The following SORCS2 variants were observed in gnomAD, a reference collection of about 807,000 sequenced individuals.
The protein encoded by SORCS2 is sortilin related VPS10 domain containing receptor 2, also known as VPS10 domain-containing receptor SorCS2.
A neutral mutation model predicts 141.6 loss-of-function variants in SORCS2; 100 were observed. That is an observed-to-expected ratio of 0.71 (90% CI 0.60 to 0.83). SORCS2 has a LOEUF of 0.83. Ranked by LOEUF, SORCS2 falls within the 40% of genes least tolerant of loss-of-function variation. The probability of loss-of-function intolerance (pLI) is 0.00; values close to 1 mark genes in which losing one functional copy is unlikely to be tolerated. For missense variants in SORCS2, 1,646 were observed against 1,560.2 expected, an observed-to-expected ratio of 1.05 and a Z score of -0.93; for synonymous variants, 789 against 676.9, an observed-to-expected ratio of 1.17 and a Z score of -2.57.
intron 1 of SORCS2, among the ~76,000 whole-genome samples, chr4:7,391,188 G>A (rs1385309015): frequency 6.6e-6 from 1 of 152,210 alleles, no homozygotes; most frequent in East Asian, 1.9e-4. Context: ...AGGGCCACCT[G>A]GTAAGGACAG....
intron 1 of SORCS2, among the ~76,000 whole-genome samples, chr4:7,335,527 C>T (rs1465675303): frequency 1.1e-4 from 17 of 152,196 alleles, no homozygotes; most frequent in South Asian, 2.1e-4. Context: ...CCTCTTGCTC[C>T]GGCCCGAGGC....
chr4:7,623,241 G>A (rs756502982), intron 3 of SORCS2, among the ~76,000 whole-genome samples: 11 of 152,116 alleles, frequency 7.2e-5, no homozygotes, highest in Non-Finnish European at 1.2e-4. Flanking sequence ...TGGTACCTTC[G>A]GGAGACACCA....
At chr4:7,203,303 A>G (rs1032080951) in intron 1 of SORCS2, among the ~76,000 whole-genome samples, 8 of 152,254 alleles carry the variant, frequency 5.3e-5, no homozygotes, top group African/African-American at 1.4e-4. Flanking sequence ...ACATGCCTGT[A>G]ATCCCAGCTG....
intron 1 of SORCS2, among the ~76,000 whole-genome samples, chr4:7,249,581 G>T (rs569820917): frequency 6.6e-6 from 1 of 152,286 alleles, no homozygotes; most frequent in South Asian, 2.1e-4. Flanking sequence ...TAGGGCGCCA[G>T]GTCCTTGTCT....
At chr4:7,317,318 A>C (rs1718624343) in intron 1 of SORCS2, among the ~76,000 whole-genome samples, 1 of 152,218 alleles carries the variant, frequency 6.6e-6, no homozygotes, top group South Asian at 2.1e-4. Flanking sequence ...AAGATGAATA[A>C]GGAGCTGACA....
intron 1 of SORCS2, among the ~76,000 whole-genome samples, chr4:7,392,201 A>T (rs1454071046): frequency 6.6e-6 from 1 of 152,182 alleles, no homozygotes; most frequent in Non-Finnish European, 1.5e-5. Context: ...AAGGAAGGTG[A>T]AGCCTTGTGT....
chr4:7,375,835 A>T (rs12503542), intron 1 of SORCS2, among the ~76,000 whole-genome samples: 111 of 152,164 alleles, frequency 7.3e-4, no homozygotes, highest in Non-Finnish European at 1.5e-4. Context: ...GTCGAGTGCA[A>T]GTGGCTTCTT....
chr4:7,548,587 G>T (rs1212166987), intron 3 of SORCS2, among the ~76,000 whole-genome samples: 2 of 152,156 alleles, frequency 1.3e-5, no homozygotes, highest in Non-Finnish European at 2.9e-5. Context: ...TGACACACAT[G>T]GGAGCTGGGC....
At chr4:7,602,418 C>T (rs1257074771) in intron 3 of SORCS2, among the ~76,000 whole-genome samples, 2 of 150,072 alleles carry the variant, frequency 1.3e-5, no homozygotes, top group African/African-American at 4.9e-5. Context: ...CGGGCAGAGA[C>T]ACTCCTCAGT....
chr4:7,505,603 C>T (rs1487513346), intron 2 of SORCS2, among the ~76,000 whole-genome samples: 3 of 152,216 alleles, frequency 2.0e-5, no homozygotes, highest in African/African-American at 4.8e-5. Context: ...GTTCTGGAGA[C>T]AGAGAAGTCA....
intron 2 of SORCS2, among the ~76,000 whole-genome samples, chr4:7,439,235 A>G (rs1310651303): frequency 6.6e-6 from 1 of 152,134 alleles, no homozygotes; most frequent in Admixed American, 6.5e-5. Context: ...ATATTCATCC[A>G]TCCATCTTCA....
chr4:7,223,254 AT>A (rs1728812432), intron 1 of SORCS2, among the ~76,000 whole-genome samples: 1 of 151,716 alleles, frequency 6.6e-6, no homozygotes. Flanking sequence ...TTCTCATTGC[AT>A]TTTTCTTCTG....
chr4:7,589,746 G>A (rs1716787493), intron 3 of SORCS2, among the ~76,000 whole-genome samples: 1 of 152,204 alleles, frequency 6.6e-6, no homozygotes, highest in Admixed American at 6.5e-5. Context: ...ATACCATGAG[G>A]ACATGGATGG....
At chr4:7,393,367 C>T (rs887537824) in intron 1 of SORCS2, among the ~76,000 whole-genome samples, 1 of 152,104 alleles carries the variant, frequency 6.6e-6, no homozygotes, top group East Asian at 1.9e-4. Flanking sequence ...AAAACTGTCC[C>T]GGGGATATTT....
At chr4:7,550,050 G>A (rs1003535255) in intron 3 of SORCS2, among the ~76,000 whole-genome samples, 1 of 151,622 alleles carries the variant, frequency 6.6e-6, no homozygotes, top group Non-Finnish European at 1.5e-5. Flanking sequence ...GAGAGCTGGT[G>A]GCAACTGGAA....
chr4:7,413,458 A>C (rs1560264192), intron 2 of SORCS2, among the ~76,000 whole-genome samples: 1 of 117,726 alleles, frequency 8.5e-6, no homozygotes, highest in Non-Finnish European at 1.6e-5. Context: ...CAGTGGTGTG[A>C]TCTTGGCTCA....
chr4:7,396,401 C>T lies in SORCS2; in HGVS notation c.548+46C>T, dbSNP rs76994762. ...GCCTTTCTCTTATGCACCTGCGTGC[C>T]ATCTTCCCAGGCTCTCAGCTGAGGA... On this transcript the variant is annotated intron_variant, in intron 2 of 26. Coordinates refer to ENST00000507866, the MANE Select transcript of SORCS2 (RefSeq NM_020777.3). 5,049 of 1,596,734 alleles carry T rather than the reference C, an allele frequency of 3.2e-3. 148 individuals are homozygous for T. The African/African-American group carries it at 0.06, about 19-fold the overall frequency.
At chr4:7,424,734 C>A (rs1010418344) in intron 2 of SORCS2, among the ~76,000 whole-genome samples, 2 of 152,218 alleles carry the variant, frequency 1.3e-5, no homozygotes, top group Admixed American at 1.3e-4. Context: ...GTGCGGGCAC[C>A]GTGGTGGGTG....
rs1012850562 is a variant in SORCS2, at chr4:7,740,321, C to T, written c.*57C>T. On this transcript the variant is annotated 3_prime_UTR_variant, in exon 27 of 27. Coordinates refer to ENST00000507866, the MANE Select transcript of SORCS2 (RefSeq NM_020777.3). ...GAGGGCACAGAACCACCAGCAAAGCCGGCGGCTGGACTGGCGCCCCTCAGA... is the reference window on the plus strand; with the variant it reads ...GAGGGCACAGAACCACCAGCAAAGCTGGCGGCTGGACTGGCGCCCCTCAGA... The T allele has an allele frequency of 3.6e-5, 55 of 1,534,090 alleles. No individual in the cohort carries two copies. The highest frequency in any genetic ancestry group is 4.5e-5 in the Non-Finnish European group (51 of 1,123,706).
Sources: gnomAD v4.1 joint callset for allele counts (sites outside exome capture counted in the v4.1 genomes callset) on GRCh38, gnomAD v4.1.1 for gene constraint, MANE v1.5 for transcripts, NCBI Gene and HGNC (gene_info 2026-07-23, HGNC 2026-07-21) for gene names.